Variants in AP3S1 observed in about 807,000 individuals in gnomAD.
AP3S1 encodes AP-3 complex subunit sigma-1.
AP3S1 carries 12 observed loss-of-function variants against 21.3 expected under a neutral mutation model. The observed-to-expected ratio is 0.56, with a 90% CI of 0.36 to 0.91. AP3S1 has a LOEUF of 0.91. Ranked by LOEUF, AP3S1 falls within the 40% of genes least tolerant of loss-of-function variation. The pLI is 0.01. For missense variants in AP3S1, 116 were observed against 225.0 expected (o/e 0.52, Z 3.10); for synonymous variants, 48 against 78.4 (o/e 0.61, Z 2.05).
chr5:115,865,291 C>G (rs759730241), intron 1 of AP3S1, among the ~76,000 whole-genome samples: 8 of 152,086 alleles, frequency 5.3e-5, no homozygotes, highest in Non-Finnish European at 1.2e-4. Context: ...TTTCTTTTCT[C>G]TAGCTTACTT....
Position 115,866,698 on chromosome 5 carries a change from G to A in AP3S1, c.98G>A (p.Arg33Lys), listed in dbSNP as rs769560617. The change falls in exon 2 of 6, where the codon AGG becomes AAG. Residue 33 changes from arginine to lysine, a missense_variant. This residue lies in a region of AP3S1 where 50 missense variants were observed against 55.5 expected (regional missense o/e 0.90). Transcript: ENST00000316788. ...YSEDTQQQII[R>K]ETFHLVSKRD... is the part of the protein sequence containing the mutation. The stretch of plus-strand genomic sequence containing the variant: ...GAAGATACACAACAGCAAATCATCA[G>A]GGAGACTTTCCATTTGGTATCTAAG... 5 of 1,605,800 alleles carry A rather than the reference G, an allele frequency of 3.1e-6. No individual in the cohort carries two copies. Among genetic ancestry groups the A allele is most frequent in the Non-Finnish European group, 4.3e-6 (5 of 1,174,836 alleles).
intron 3 of AP3S1, among the ~76,000 whole-genome samples, chr5:115,872,403 G>A (rs962251613): frequency 2.0e-5 from 3 of 152,182 alleles, no homozygotes; most frequent in Admixed American, 6.5e-5. Context: ...TTTGGGAGGA[G>A]CTGGGTATCA....
At chr5:115,870,771 T>C (rs1389372942) in intron 3 of AP3S1, among the ~76,000 whole-genome samples, 1 of 152,200 alleles carries the variant, frequency 6.6e-6, no homozygotes, top group Admixed American at 6.5e-5. Flanking sequence ...CTCTCCTTCA[T>C]TGGAGATTTT....
chr5:115,887,525 T>C (rs1749904873), intron 3 of AP3S1, among the ~76,000 whole-genome samples: 7 of 152,076 alleles, frequency 4.6e-5, no homozygotes, highest in Admixed American at 4.6e-4. Context: ...TAATTTGTGG[T>C]ATTTTTATTT....
intron 2 of AP3S1, among the ~76,000 whole-genome samples, chr5:115,868,981 G>T: frequency 8.4e-6 from 1 of 118,676 alleles, no homozygotes; most frequent in South Asian, 2.4e-4. Flanking sequence ...GAGGGAGGGA[G>T]GGAGAGATGC....
intron 3 of AP3S1, among the ~76,000 whole-genome samples, chr5:115,882,999 G>A (rs1279269839): frequency 1.3e-5 from 2 of 152,324 alleles, no homozygotes; most frequent in African/African-American, 2.4e-5. Flanking sequence ...TGTTTACACT[G>A]TGAGGGGTAA....
In AP3S1 at chr5:115,854,034, G is replaced by T. The variant is rs1362868394; in HGVS notation, c.69+11928G>T. On this transcript the variant is annotated intron_variant, in intron 1 of 5. Transcript: ENST00000316788. ...GGGAAGTCCAAGGTCAAGGAGCCAC[G>T]TGTGGTGAGGGCCTTCCTGCTGCAT... 2.0e-5 allele frequency among the ~76,000 whole-genome samples: 3 copies of T among 152,246 alleles called. No individual in the cohort carries two copies. In the South Asian group the frequency reaches 6.2e-4, roughly 32 times the overall value.
rs538728408 is a variant in AP3S1, at chr5:115,845,362, A to T, written c.69+3256A>T. Among the ~76,000 whole-genome samples, 21 of 152,304 alleles carry T rather than the reference A, an allele frequency of 1.4e-4. No homozygotes were observed. The South Asian group carries it at 4.2e-3, about 30-fold the overall frequency. ...TTTCATTCCTCATTTATCTCCCTCA[A>T]ATATAACAACTTACATATTCATCTC... On this transcript the variant is annotated intron_variant, in intron 1 of 5. Coordinates refer to ENST00000316788, the MANE Select transcript of AP3S1 (RefSeq NM_001284.4).
rs146531524 is a variant in AP3S1 at position 115,869,201 on chromosome 5, A to G, written c.162-816A>G. On this transcript the variant is annotated intron_variant, in intron 2 of 5. Coordinates refer to ENST00000316788, the MANE Select transcript of AP3S1 (RefSeq NM_001284.4). ...CTAAAATACTAAAATTCCAGTCATT[A>G]TAAATAAAAGTATTTCATGAAAGAG... Among the ~76,000 whole-genome samples, 5 of 152,316 alleles carry G rather than the reference A, an allele frequency of 3.3e-5. No homozygotes were observed. The East Asian group carries it at 5.8e-4, about 18-fold the overall frequency.
At chr5:115,873,951 A>C (rs2112850434) in intron 3 of AP3S1, among the ~76,000 whole-genome samples, 1 of 152,286 alleles carries the variant, frequency 6.6e-6, no homozygotes, top group Non-Finnish European at 1.5e-5. Flanking sequence ...CTGGAAGCAT[A>C]TATTTTAATG....
intron 2 of AP3S1, among the ~76,000 whole-genome samples, chr5:115,867,413 A>G (rs1469123868): frequency 6.6e-6 from 1 of 152,180 alleles, no homozygotes; most frequent in South Asian, 2.1e-4. Context: ...AATATTGCCA[A>G]ATATTACAAA....
rs571334082 is a variant in AP3S1, at chr5:115,878,983, A to C, written c.273+8855A>C. Among the ~76,000 whole-genome samples the C allele has an allele frequency of 1.1e-4, 17 of 152,184 alleles. 1 individual carries two copies. The South Asian group carries it at 3.5e-3, about 32-fold the overall frequency. On this transcript the variant is annotated intron_variant, in intron 3 of 5. Coordinates refer to ENST00000316788, the MANE Select transcript of AP3S1 (RefSeq NM_001284.4). ...AATTGTGAATGGGAGTTCACTCCTA[A>C]TTTGGCTCTCCGTTTGTCTATTATT... is the stretch of plus-strand genomic sequence containing the variant.
intron 5 of AP3S1, among the ~76,000 whole-genome samples, chr5:115,910,673 G>C (rs370371155): frequency 6.6e-6 from 1 of 152,024 alleles, no homozygotes; most frequent in African/African-American, 2.4e-5. Context: ...AGCCATTCTG[G>C]TGTTGACTGA....
At chr5:115,875,096 G>A (rs1010662225) in intron 3 of AP3S1, among the ~76,000 whole-genome samples, 4 of 151,970 alleles carry the variant, frequency 2.6e-5, no homozygotes, top group African/African-American at 7.2e-5. Flanking sequence ...TGTAAGAAAG[G>A]CATATAAAAT....
intron 4 of AP3S1, among the ~76,000 whole-genome samples, chr5:115,896,368 T>G (rs190605631): frequency 1.1e-3 from 174 of 152,346 alleles, no homozygotes; most frequent in African/African-American, 4.0e-3. Context: ...AAGCATGATA[T>G]TTTTATGAGT....
chr5:115,865,008 A>G (rs1236970051), intron 1 of AP3S1, among the ~76,000 whole-genome samples: 1 of 152,120 alleles, frequency 6.6e-6, no homozygotes, highest in Non-Finnish European at 1.5e-5. Flanking sequence ...GTATAGAAAC[A>G]TTTTTAGAGA....
At chr5:115,893,242 A>G (rs965132215) in intron 3 of AP3S1, among the ~76,000 whole-genome samples, 3 of 152,200 alleles carry the variant, frequency 2.0e-5, no homozygotes, top group Non-Finnish European at 4.4e-5. Context: ...GTGTCATGAC[A>G]TTACCAGCAA....
At chr5:115,896,565 G>T (rs561492418) in intron 4 of AP3S1, among the ~76,000 whole-genome samples, 1 of 152,274 alleles carries the variant, frequency 6.6e-6, no homozygotes, top group East Asian at 1.9e-4. Flanking sequence ...GATTGCTTGA[G>T]CCCAGGAGTT....
intron 5 of AP3S1, among the ~76,000 whole-genome samples, chr5:115,907,174 C>G (rs910581043): frequency 6.6e-6 from 1 of 152,166 alleles, no homozygotes; most frequent in African/African-American, 2.4e-5. Context: ...TGACAATTTA[C>G]TTTGTATATA....
Sources: allele counts gnomAD v4.1 joint callset (sites outside exome capture counted in the v4.1 genomes callset), GRCh38; gene constraint gnomAD v4.1.1; regional missense constraint gnomAD v4.1.1; transcripts MANE v1.5; gene names NCBI Gene and HGNC (gene_info 2026-07-23, HGNC 2026-07-21).